IL1RAPL2: variants seen among roughly 807,000 people sequenced by gnomAD.
The protein encoded by IL1RAPL2 is interleukin 1 receptor accessory protein like 2, also known as X-linked interleukin-1 receptor accessory protein-like 2.
In IL1RAPL2, 3 loss-of-function variants were observed where a neutral mutation model predicts 44.1. That is an observed-to-expected ratio of 0.07 (90% confidence interval 0.03 to 0.18). The LOEUF (loss-of-function observed/expected upper bound fraction) is 0.18, where lower values mean the gene tolerates loss of function less well. Among genes scored for constraint, IL1RAPL2 ranks in the 10% least tolerant of loss-of-function variants. The pLI is 1.00. For synonymous variants in IL1RAPL2, 181 were observed against 178.8 expected, an observed-to-expected ratio of 1.01 and a Z score of -0.10; for missense variants, 391 against 496.4, an observed-to-expected ratio of 0.79 and a Z score of 2.02.
Position 104,707,020 on chromosome X carries a change from T to C in IL1RAPL2, c.82+48025T>C, listed in dbSNP as rs369193269. ...ATCTACTACTGGATATTTTAACATA[T>C]ATTATGACAAATCAGATTCCCTTAC... On this transcript the variant is annotated intron_variant, in intron 2 of 10. Coordinates refer to ENST00000372582, the MANE Select transcript of IL1RAPL2 (RefSeq NM_017416.2). Among the ~76,000 whole-genome samples the C allele has an allele frequency of 3.2e-4, 36 of 111,723 alleles. No individual in the cohort carries two copies. The East Asian group carries it at 5.9e-3, about 18-fold the overall frequency.
intron 5 of IL1RAPL2, among the ~76,000 whole-genome samples, chrX:105,441,168 AT>A (rs1467989468): frequency 8.9e-6 from 1 of 111,958 alleles, no homozygotes; most frequent in African/African-American, 3.3e-5. Flanking sequence ...GAGAGCTGCT[AT>A]TTTACCTCAG....
intron 2 of IL1RAPL2, among the ~76,000 whole-genome samples, chrX:105,149,862 A>ATAAC (rs1380675553): frequency 1.8e-5 from 2 of 110,237 alleles, no homozygotes; most frequent in East Asian, 5.7e-4. Flanking sequence ...AAATAAATAA[A>ATAAC]TAATACAAAT....
rs191244591 is a variant in IL1RAPL2 at position 104,566,276 on chromosome X, C to T, written c.-795C>T. 8.9e-6 allele frequency: 1 copy of T among 112,837 alleles called. No individual in the cohort carries two copies. Among genetic ancestry groups the T allele is most frequent in the African/African-American group, 3.2e-5 (1 of 31,121 alleles). The allele number at this position is 112,837 out of a possible 1,213,427, so 9.3% of individuals were successfully genotyped here. ...CTCCCACTACCCTCCCACCCGCACT[C>T]CAGGCATATTTTGGAGGCGGCAGCA... On this transcript the variant is annotated 5_prime_UTR_variant, in exon 1 of 11. Transcript: ENST00000372582.
intron 4 of IL1RAPL2, among the ~76,000 whole-genome samples, chrX:105,256,609 G>A (rs1012614715): frequency 1.8e-5 from 2 of 111,154 alleles, no homozygotes; most frequent in Admixed American, 9.6e-5. Flanking sequence ...GATTACAGGC[G>A]TGAGCGACCG....
chrX:104,726,672 GCTCT>G (rs1301450412), intron 2 of IL1RAPL2, among the ~76,000 whole-genome samples: 1 of 110,891 alleles, frequency 9.0e-6, no homozygotes, highest in African/African-American at 3.3e-5. Context: ...TCATGATTTG[GCTCT>G]CTGTTTGTCT....
At chrX:105,150,710 T>A (rs2033219677) in intron 2 of IL1RAPL2, among the ~76,000 whole-genome samples, 1 of 111,864 alleles carries the variant, frequency 8.9e-6, no homozygotes. Context: ...GCACGCAATC[T>A]GTCACGGATC....
chrX:105,412,479 G>T (rs1278204005), intron 5 of IL1RAPL2, among the ~76,000 whole-genome samples: 1 of 109,849 alleles, frequency 9.1e-6, no homozygotes, highest in African/African-American at 3.3e-5. Flanking sequence ...CTCATATGTG[G>T]TATCTAAAAA....
intron 2 of IL1RAPL2, among the ~76,000 whole-genome samples, chrX:104,828,785 CCCTGACTGGGGCTGTTG>C (rs1441324337): frequency 3.5e-5 from 4 of 112,727 alleles, no homozygotes; most frequent in Non-Finnish European, 5.6e-5. Flanking sequence ...ATCTATAAGC[CCCTGACTGGGGCTGTTG>C]CCTTTCTTTC....
chrX:105,058,682 C>G (rs774152205), intron 2 of IL1RAPL2, among the ~76,000 whole-genome samples: 30 of 111,767 alleles, frequency 2.7e-4, no homozygotes, highest in African/African-American at 9.7e-4. Context: ...AGCCATTTTA[C>G]AGACTTTTTT....
intron 2 of IL1RAPL2, among the ~76,000 whole-genome samples, chrX:104,935,931 C>A (rs1056959482): frequency 9.0e-6 from 1 of 111,675 alleles, no homozygotes; most frequent in Non-Finnish European, 1.9e-5. Flanking sequence ...TCAACATCTT[C>A]CATGCATATA....
chrX:105,627,587 A>T (rs902607145), intron 6 of IL1RAPL2, among the ~76,000 whole-genome samples: 1 of 111,746 alleles, frequency 8.9e-6, no homozygotes, highest in African/African-American at 3.3e-5. Flanking sequence ...TACCTCATCT[A>T]CTTCATCCTG....
chrX:105,437,420 T>G (rs1020006747), intron 5 of IL1RAPL2, among the ~76,000 whole-genome samples: 1 of 111,219 alleles, frequency 9.0e-6, no homozygotes, highest in African/African-American at 3.3e-5. Flanking sequence ...CAAAATAAAT[T>G]GGAGCTGCAG....
At chrX:105,192,914 G>A (rs2033644487) in intron 2 of IL1RAPL2, among the ~76,000 whole-genome samples, 1 of 112,114 alleles carries the variant, frequency 8.9e-6, no homozygotes, top group African/African-American at 3.2e-5. Context: ...AATCTATTAA[G>A]TCAAATACAT....
chrX:105,704,457 A>G (rs2038146220), intron 6 of IL1RAPL2, among the ~76,000 whole-genome samples: 2 of 111,722 alleles, frequency 1.8e-5, no homozygotes, highest in Non-Finnish European at 3.8e-5. Context: ...AATGGTTGGC[A>G]TCAAGCAAAT....
chrX:104,961,769 C>T (rs1006677434), intron 2 of IL1RAPL2, among the ~76,000 whole-genome samples: 15 of 111,896 alleles, frequency 1.3e-4, no homozygotes, highest in Non-Finnish European at 1.9e-4. Flanking sequence ...GTCTTATATT[C>T]GACACTTTAT....
At chrX:104,576,313 G>A (rs1928243358) in intron 1 of IL1RAPL2, among the ~76,000 whole-genome samples, 1 of 111,453 alleles carries the variant, frequency 9.0e-6, no homozygotes, top group Non-Finnish European at 1.9e-5. Context: ...ACTAAGAGTA[G>A]TAACAGATAC....
chrX:105,161,031 G>A (rs2033319005), intron 2 of IL1RAPL2, among the ~76,000 whole-genome samples: 1 of 110,877 alleles, frequency 9.0e-6, no homozygotes, highest in African/African-American at 3.3e-5. Context: ...CTTGAGGCCA[G>A]CAGTTTGAGA....
At chrX:104,851,212 C>T (rs931611189) in intron 2 of IL1RAPL2, among the ~76,000 whole-genome samples, 1 of 111,699 alleles carries the variant, frequency 9.0e-6, no homozygotes, top group South Asian at 3.7e-4. Context: ...AGAGCCAAAT[C>T]ATTTACAGAC....
chrX:105,029,734 C>A (rs979347780), intron 2 of IL1RAPL2, among the ~76,000 whole-genome samples: 1 of 110,685 alleles, frequency 9.0e-6, no homozygotes, highest in Admixed American at 9.7e-5. Flanking sequence ...ATCTTTATAG[C>A]AGCATGATTT....
Sources: gnomAD v4.1 joint callset for allele counts (sites outside exome capture counted in the v4.1 genomes callset) on GRCh38, gnomAD v4.1.1 for gene constraint, MANE v1.5 for transcripts, NCBI Gene and HGNC (gene_info 2026-07-23, HGNC 2026-07-21) for gene names.